The following LEKR1 variants were observed in gnomAD, a reference collection of about 807,000 sequenced individuals.
LEKR1 encodes leucine, glutamate and lysine rich 1, also known as protein LEKR1.
Under a neutral mutation model 72.4 loss-of-function variants are expected in LEKR1, and 59 were observed. The ratio of observed to expected loss-of-function variants is 0.82; its 90% CI spans 0.66 to 1.01. The LOEUF (loss-of-function observed/expected upper bound fraction) is 1.01, where lower values mean the gene tolerates loss of function less well. Ranked by LOEUF, LEKR1 falls within the 50% of genes least tolerant of loss-of-function variation. The pLI is 0.00. For missense variants in LEKR1, 728 were observed against 759.2 expected (o/e 0.96, Z 0.48); for synonymous variants, 257 against 263.2 (o/e 0.98, Z 0.23).
chr3:156,934,959 A>G (rs1452296936), intron 5 of LEKR1, among the ~76,000 whole-genome samples: 1 of 152,178 alleles, frequency 6.6e-6, no homozygotes, highest in Non-Finnish European at 1.5e-5. Context: ...TGGCTATTGT[A>G]AATAAGGCAT....
chr3:156,946,497 G>T (rs1726688725), intron 6 of LEKR1, among the ~76,000 whole-genome samples: 1 of 151,462 alleles, frequency 6.6e-6, no homozygotes, highest in Non-Finnish European at 1.5e-5. Context: ...GGTGGTGAAA[G>T]TGGGCATCCT....
Position 156,827,295 on chromosome 3 carries a change from A to G in LEKR1, c.-45+919A>G, listed in dbSNP as rs559789996. 2.0e-5 allele frequency among the ~76,000 whole-genome samples: 3 copies of G among 152,304 alleles called. No homozygotes were observed. In the East Asian group the frequency reaches 5.8e-4, roughly 29 times the overall value. Reference sequence around the variant, plus strand: ...CCATTTCTTTAAAATGTAAACATCAAGGAAGATAGGGCCCCAGTCTCCTTG... The same window carrying G: ...CCATTTCTTTAAAATGTAAACATCAGGGAAGATAGGGCCCCAGTCTCCTTG... On this transcript the variant is annotated intron_variant, in intron 1 of 12. Coordinates refer to ENST00000356539, the MANE Select transcript of LEKR1 (RefSeq NM_001004316.3).
chr3:156,894,449 T>A (rs1298505573), intron 3 of LEKR1, among the ~76,000 whole-genome samples: 1 of 152,254 alleles, frequency 6.6e-6, no homozygotes, highest in Non-Finnish European at 1.5e-5. Context: ...TCTTGGTGAC[T>A]CATTCTGCAT....
In LEKR1 at chr3:156,927,616, A is replaced by G. The variant is rs778830392; in HGVS notation, c.559+12A>G. On this transcript the variant is annotated intron_variant, in intron 5 of 12. Coordinates refer to ENST00000356539, the MANE Select transcript of LEKR1 (RefSeq NM_001004316.3). ...AACAGCCTTGACAGGTTTGTTACAT[A>G]TATTTAGAATATAATTGTCCCTTTT... 1 of 1,111,842 alleles carries G rather than the reference A, an allele frequency of 9.0e-7. No homozygotes were observed. The highest frequency in any genetic ancestry group is 1.6e-5 in the South Asian group (1 of 63,546). The allele number at this position is 1,111,842 out of a possible 1,614,324, so 68.9% of individuals were successfully genotyped here.
At chr3:156,944,370 G>T (rs1037631363) in intron 6 of LEKR1, among the ~76,000 whole-genome samples, 1 of 151,690 alleles carries the variant, frequency 6.6e-6, no homozygotes, top group East Asian at 1.9e-4. Context: ...GGTAAATGAG[G>T]TGTCCTGCCT....
At chr3:156,942,177 A>G (rs1726268379) in intron 5 of LEKR1, among the ~76,000 whole-genome samples, 1 of 151,968 alleles carries the variant, frequency 6.6e-6, no homozygotes, top group Non-Finnish European at 1.5e-5. Flanking sequence ...ACTTTTCTGA[A>G]TCATGTTGCT....
chr3:156,965,785 T>C (rs1409956637), intron 6 of LEKR1, among the ~76,000 whole-genome samples: 1 of 152,214 alleles, frequency 6.6e-6, no homozygotes, highest in African/African-American at 2.4e-5. Context: ...CTTTGAAAAA[T>C]GTTTGCTAAA....
intron 6 of LEKR1, among the ~76,000 whole-genome samples, chr3:156,973,325 C>T (rs1047511436): frequency 1.3e-5 from 2 of 151,958 alleles, no homozygotes; most frequent in African/African-American, 4.8e-5. Context: ...GTACCTGGTA[C>T]ATAGTAAGTA....
At chr3:156,898,637 TAATAA>T (rs1721446316) in intron 3 of LEKR1, among the ~76,000 whole-genome samples, 2 of 152,098 alleles carry the variant, frequency 1.3e-5, no homozygotes, top group Admixed American at 1.3e-4. Flanking sequence ...CTAAGGTGCA[TAATAA>T]AATCTCTTAG....
chr3:156,856,069 A>T (rs978065495), intron 3 of LEKR1, among the ~76,000 whole-genome samples: 1 of 150,924 alleles, frequency 6.6e-6, no homozygotes, highest in African/African-American at 2.5e-5. Flanking sequence ...TCACGCAAGT[A>T]GAAACAACAA....
chr3:156,932,862 C>G (rs1003035285), intron 5 of LEKR1, among the ~76,000 whole-genome samples: 1 of 151,890 alleles, frequency 6.6e-6, no homozygotes, highest in Admixed American at 6.6e-5. Flanking sequence ...AAACCTGTCT[C>G]TACTAAAAAT....
chr3:156,985,435 A>C (rs764190827), intron 7 of LEKR1, among the ~76,000 whole-genome samples: 1 of 152,222 alleles, frequency 6.6e-6, no homozygotes, highest in Non-Finnish European at 1.5e-5. Context: ...AAAAACATGA[A>C]GGCCAGTTGT....
chr3:156,927,493 A>G lies in LEKR1; in HGVS notation c.448A>G (p.Arg150Gly), dbSNP rs1247259271. ...TCTTTCATTACTTACTTTTACTAAA[A>G]GGGAACTAACCAGTATTAAAAATGA... The part of the protein sequence containing the change: ...KTLSLLTFTK[R>G]ELTSIKNEVY... Residue 150 changes from arginine to glycine, a missense_variant, in exon 5 of 13, where the codon AGG becomes GGG. Physicochemically the swap from Arg to Gly is moderately radical, Grantham distance 125 (BLOSUM62 -2). Transcript: ENST00000356539. 1.7e-6 allele frequency: 2 copies of G among 1,193,866 alleles called. No homozygotes were observed. Among genetic ancestry groups the G allele is most frequent in the Non-Finnish European group, 1.1e-6 (1 of 935,246 alleles). 74.0% of individuals were successfully genotyped at this position (1,193,866 alleles called of 1,614,324 possible). A position where few individuals can be genotyped will look rare whatever the true frequency, so the allele number is the denominator to read the frequency against.
chr3:156,957,589 C>A (rs1263955530), intron 6 of LEKR1, among the ~76,000 whole-genome samples: 1 of 151,576 alleles, frequency 6.6e-6, no homozygotes, highest in East Asian at 1.9e-4. Flanking sequence ...AGTTTTTATA[C>A]TCATTAAGAT....
intron 7 of LEKR1, among the ~76,000 whole-genome samples, chr3:156,991,055 G>T (rs1287859093): frequency 6.6e-6 from 1 of 152,114 alleles, no homozygotes; most frequent in South Asian, 2.1e-4. Flanking sequence ...CAAAAATAGG[G>T]CAGTGGCAGA....
chr3:156,937,923 T>A (rs762329053), intron 5 of LEKR1, among the ~76,000 whole-genome samples: 11 of 152,180 alleles, frequency 7.2e-5, no homozygotes, highest in African/African-American at 2.4e-5. Flanking sequence ...AAAGTTTACA[T>A]AAGATATGAT....
intron 3 of LEKR1, among the ~76,000 whole-genome samples, chr3:156,872,719 T>G (rs1376123973): frequency 6.6e-6 from 1 of 152,010 alleles, no homozygotes; most frequent in Non-Finnish European, 1.5e-5. Flanking sequence ...TTCAGGAGCA[T>G]GTTGTTTAAT....
chr3:156,848,388 T>G (rs1199644618), intron 2 of LEKR1, among the ~76,000 whole-genome samples: 2 of 152,092 alleles, frequency 1.3e-5, no homozygotes, highest in Admixed American at 1.3e-4. Flanking sequence ...TAGAATATAT[T>G]ATGAAAGGGT....
At chr3:156,982,855 G>GTA (rs1553820693) in intron 7 of LEKR1, among the ~76,000 whole-genome samples, 18 of 139,998 alleles carry the variant, frequency 1.3e-4, no homozygotes, top group African/African-American at 2.4e-4. Context: ...GTGTGTGTGT[G>GTA]TAGATAGATA....
Sources: allele counts gnomAD v4.1 joint callset (sites outside exome capture counted in the v4.1 genomes callset), GRCh38; gene constraint gnomAD v4.1.1; transcripts MANE v1.5; gene names NCBI Gene and HGNC (gene_info 2026-07-23, HGNC 2026-07-21).